Variants in ARL15 observed in about 807,000 individuals in gnomAD.
ARL15 encodes ADP-ribosylation factor-like protein 15.
In ARL15, 19 loss-of-function variants were observed where a neutral mutation model predicts 25.2. The observed-to-expected ratio is 0.75, with a 90% CI of 0.53 to 1.10. ARL15 has a LOEUF of 1.10. ARL15 is among the 50% of genes least tolerant of loss of function. ARL15 has a pLI of 0.00. For missense variants in ARL15, 220 were observed against 246.0 expected (o/e 0.89, Z 0.71); for synonymous variants, 94 against 86.8 (o/e 1.08, Z -0.46).
chr5:54,024,183 T>C (rs78408547), intron 4 of ARL15, among the ~76,000 whole-genome samples: 7,478 of 152,282 alleles, frequency 0.049, 232 homozygotes, highest in Middle Eastern at 0.078. Context: ...GCCCCTACGA[T>C]ACAAGTTTCC....
At chr5:54,169,225 A>G (rs1359666409) in intron 2 of ARL15, among the ~76,000 whole-genome samples, 2 of 152,252 alleles carry the variant, frequency 1.3e-5, no homozygotes, top group Non-Finnish European at 2.9e-5. Context: ...TAGTGCTAGA[A>G]GATAACTCTG....
At chr5:53,982,899 C>A (rs1748171524) in intron 4 of ARL15, among the ~76,000 whole-genome samples, 1 of 152,176 alleles carries the variant, frequency 6.6e-6, no homozygotes, top group Non-Finnish European at 1.5e-5. Flanking sequence ...GAGATGGTAT[C>A]TCGTTGTGGT....
intron 3 of ARL15, among the ~76,000 whole-genome samples, chr5:54,136,198 C>CA (rs572528349): frequency 3.3e-5 from 5 of 151,752 alleles, no homozygotes; most frequent in Middle Eastern, 6.3e-3. Context: ...ATTTTATCAG[C>CA]AAAAAAAATT....
intron 4 of ARL15, among the ~76,000 whole-genome samples, chr5:53,940,652 A>G (rs1580101074): frequency 6.6e-6 from 1 of 152,340 alleles, no homozygotes; most frequent in Middle Eastern, 3.4e-3. Context: ...ATGCTTAAAC[A>G]GAGAACAATT....
chr5:54,135,059 A>G (rs1236772932), intron 3 of ARL15, among the ~76,000 whole-genome samples: 1 of 152,190 alleles, frequency 6.6e-6, no homozygotes, highest in Non-Finnish European at 1.5e-5. Context: ...TGGATGATAA[A>G]AGAAAAAAAG....
At chr5:54,221,795 G>A (rs1307546795) in intron 1 of ARL15, among the ~76,000 whole-genome samples, 1 of 144,548 alleles carries the variant, frequency 6.9e-6, no homozygotes, top group African/African-American at 2.5e-5. Context: ...GGCCAGAGAA[G>A]TAATTTTTAG....
chr5:53,976,102 A>C (rs935523790), intron 4 of ARL15, among the ~76,000 whole-genome samples: 2 of 152,042 alleles, frequency 1.3e-5, no homozygotes, highest in African/African-American at 4.8e-5. Context: ...TTTTTTAGGC[A>C]CCCTCCAGGT....
chr5:54,005,096 C>T (rs1390663917), intron 4 of ARL15, among the ~76,000 whole-genome samples: 3 of 152,148 alleles, frequency 2.0e-5, no homozygotes. Context: ...AAGTGATCCT[C>T]CCGTTTCAGC....
At chr5:54,138,521 C>G (rs1432999783) in intron 3 of ARL15, among the ~76,000 whole-genome samples, 1 of 152,020 alleles carries the variant, frequency 6.6e-6, no homozygotes, top group Admixed American at 6.5e-5. Context: ...AAAATCAACC[C>G]AAGATGGATC....
intron 4 of ARL15, among the ~76,000 whole-genome samples, chr5:53,975,420 C>T (rs985308073): frequency 3.9e-5 from 6 of 152,198 alleles, no homozygotes; most frequent in Non-Finnish European, 8.8e-5. Flanking sequence ...AGGGTCCTCC[C>T]TGTTACACTA....
At chr5:54,211,763 T>C (rs1037488500) in intron 1 of ARL15, among the ~76,000 whole-genome samples, 2 of 152,090 alleles carry the variant, frequency 1.3e-5, no homozygotes, top group African/African-American at 4.8e-5. Context: ...CGAGCCACCG[T>C]GACCGGCCAA....
chr5:54,130,326 T>TA (rs1158524097), intron 3 of ARL15, among the ~76,000 whole-genome samples: 2 of 152,136 alleles, frequency 1.3e-5, no homozygotes, highest in African/African-American at 2.4e-5. Flanking sequence ...AAGAGAGATT[T>TA]AAAAAAAGTG....
chr5:54,280,514 T>G (rs1297073249), intron 1 of ARL15, among the ~76,000 whole-genome samples: 2 of 152,326 alleles, frequency 1.3e-5, no homozygotes, highest in East Asian at 3.9e-4. Flanking sequence ...GGCATACAGC[T>G]ATGGAGCATT....
chr5:54,267,724 T>A (rs537226375), intron 1 of ARL15, among the ~76,000 whole-genome samples: 4 of 152,312 alleles, frequency 2.6e-5, no homozygotes, highest in African/African-American at 9.6e-5. Flanking sequence ...CCTTCACTTA[T>A]GAAGCTTAGT....
intron 1 of ARL15, among the ~76,000 whole-genome samples, chr5:54,210,275 A>G (rs1043520669): frequency 6.6e-6 from 1 of 152,174 alleles, no homozygotes; most frequent in Non-Finnish European, 1.5e-5. Flanking sequence ...CAATCAAATT[A>G]TAATTTTCTT....
At chr5:53,995,575 G>A (rs1748644046) in intron 4 of ARL15, among the ~76,000 whole-genome samples, 1 of 152,124 alleles carries the variant, frequency 6.6e-6, no homozygotes, top group Admixed American at 6.6e-5. Flanking sequence ...GTCCAAATAA[G>A]CAAAATAGCT....
intron 4 of ARL15, among the ~76,000 whole-genome samples, chr5:53,952,733 A>G (rs1462819378): frequency 6.6e-6 from 1 of 152,224 alleles, no homozygotes; most frequent in East Asian, 1.9e-4. Context: ...TATTGTGCCA[A>G]TGACTTTTTA....
chr5:53,935,006 AT>A (rs1234836263), intron 4 of ARL15, among the ~76,000 whole-genome samples: 2 of 152,202 alleles, frequency 1.3e-5, no homozygotes, highest in African/African-American at 4.8e-5. Flanking sequence ...CAGAGGTGAC[AT>A]TTTTTAGAAA....
chr5:53,961,297 A>T (rs1470976700), intron 4 of ARL15, among the ~76,000 whole-genome samples: 3 of 152,056 alleles, frequency 2.0e-5, no homozygotes, highest in Non-Finnish European at 4.4e-5. Flanking sequence ...CAGGAGTTCG[A>T]GATCATCCTG....
Sources: gnomAD v4.1 joint callset for allele counts (sites outside exome capture counted in the v4.1 genomes callset) on GRCh38, gnomAD v4.1.1 for gene constraint, MANE v1.5 for transcripts, NCBI Gene and HGNC (gene_info 2026-07-23, HGNC 2026-07-21) for gene names.